Variants in DAB1 observed in about 807,000 individuals in gnomAD.
DAB1 encodes the protein DAB adaptor protein 1.
A neutral mutation model predicts 64.6 loss-of-function variants in DAB1; 15 were observed. That is an observed-to-expected ratio of 0.23 (90% CI 0.16 to 0.36). The LOEUF is 0.36. Ranked by LOEUF, DAB1 falls within the 10% of genes least tolerant of loss-of-function variation. The probability of loss-of-function intolerance (pLI) is 1.00; values close to 1 mark genes in which losing one functional copy is unlikely to be tolerated. For synonymous variants in DAB1, 235 were observed against 251.9 expected (o/e 0.93, Z 0.64); for missense variants, 596 against 706.7 (o/e 0.84, Z 1.78).
At chr1:58,311,781 G>C (rs1662436006) in intron 4 of DAB1, among the ~76,000 whole-genome samples, 1 of 152,068 alleles carries the variant, frequency 6.6e-6, no homozygotes, top group African/African-American at 2.4e-5. Context: ...TGCTACCCCA[G>C]TAAGTCTCTT....
At chr1:58,100,956 TC>T (rs1361388826) in intron 5 of DAB1, among the ~76,000 whole-genome samples, 1 of 152,066 alleles carries the variant, frequency 6.6e-6, no homozygotes, top group Non-Finnish European at 1.5e-5. Context: ...AAATGAGAGA[TC>T]AGAGGAAGGG....
chr1:57,381,816 G>A (rs185705243), intron 1 of DAB1, among the ~76,000 whole-genome samples: 174 of 152,194 alleles, frequency 1.1e-3, no homozygotes, highest in Admixed American at 2.7e-3. Flanking sequence ...CATTGGTTTC[G>A]ACATTTATCT....
At chr1:58,243,580 GA>G (rs1660398161) in intron 4 of DAB1, among the ~76,000 whole-genome samples, 1 of 152,060 alleles carries the variant, frequency 6.6e-6, no homozygotes. Context: ...AACAAGGGAA[GA>G]GCCTAAATGT....
intron 3 of DAB1, among the ~76,000 whole-genome samples, chr1:58,387,086 C>A (rs1285702874): frequency 1.3e-5 from 2 of 152,088 alleles, no homozygotes; most frequent in East Asian, 1.9e-4. Context: ...AACAAAAAAA[C>A]AAACAAACAA....
chr1:57,908,878 G>T (rs547187153), intron 5 of DAB1, among the ~76,000 whole-genome samples: 1 of 152,210 alleles, frequency 6.6e-6, no homozygotes, highest in East Asian at 1.9e-4. Context: ...CCCAATTATA[G>T]GAATTATCAC....
At chr1:57,624,763 T>C (rs901974029) in intron 7 of DAB1, among the ~76,000 whole-genome samples, 8 of 152,230 alleles carry the variant, frequency 5.3e-5, no homozygotes, top group Non-Finnish European at 4.4e-5. Flanking sequence ...GTTAAGCTAA[T>C]GAAGATCTGT....
At chr1:58,231,943 A>G (rs1228002187) in intron 4 of DAB1, among the ~76,000 whole-genome samples, 1 of 152,240 alleles carries the variant, frequency 6.6e-6, no homozygotes, top group Non-Finnish European at 1.5e-5. Context: ...GTAACTTGCT[A>G]CAGGTAAAAA....
At chr1:57,905,939 G>C (rs757821282) in intron 5 of DAB1, among the ~76,000 whole-genome samples, 2 of 152,222 alleles carry the variant, frequency 1.3e-5, no homozygotes, top group Non-Finnish European at 2.9e-5. Flanking sequence ...GCCAAAGCTT[G>C]TAATAGAGTT....
At chr1:58,170,918 G>T (rs1270688918) in intron 4 of DAB1, among the ~76,000 whole-genome samples, 1 of 152,090 alleles carries the variant, frequency 6.6e-6, no homozygotes, top group Non-Finnish European at 1.5e-5. Flanking sequence ...CCAGGAAATT[G>T]ACTTCCTCCT....
chr1:57,022,287 A>C (rs2100371389), intron 11 of DAB1, among the ~76,000 whole-genome samples: 1 of 152,334 alleles, frequency 6.6e-6, no homozygotes, highest in Middle Eastern at 3.4e-3. Flanking sequence ...AGGGTGGTGC[A>C]TTTCTGATGG....
At chr1:57,241,029 C>G (rs1368014412) in intron 2 of DAB1, among the ~76,000 whole-genome samples, 1 of 152,182 alleles carries the variant, frequency 6.6e-6, no homozygotes, top group African/African-American at 2.4e-5. Flanking sequence ...ACTATACACG[C>G]ATCCACCAGC....
At chr1:58,440,724 C>T (rs921652440) in intron 3 of DAB1, among the ~76,000 whole-genome samples, 1 of 152,170 alleles carries the variant, frequency 6.6e-6, no homozygotes, top group Non-Finnish European at 1.5e-5. Context: ...GGCCATTTAG[C>T]CGTAACAACT....
chr1:58,167,985 A>G (rs1257653399), intron 4 of DAB1, among the ~76,000 whole-genome samples: 1 of 152,184 alleles, frequency 6.6e-6, no homozygotes, highest in Non-Finnish European at 1.5e-5. Flanking sequence ...GAAGGAACCA[A>G]TTCTGGACAC....
chr1:57,256,190 G>T (rs1007993547), intron 2 of DAB1, among the ~76,000 whole-genome samples: 1 of 152,080 alleles, frequency 6.6e-6, no homozygotes, highest in Non-Finnish European at 1.5e-5. Context: ...ATTACTTTTT[G>T]TTCCTGAATC....
intron 7 of DAB1, among the ~76,000 whole-genome samples, chr1:57,481,555 G>A (rs1431618212): frequency 8.5e-5 from 13 of 152,094 alleles, no homozygotes; most frequent in African/African-American, 2.9e-4. Context: ...CTTACCTGAT[G>A]CCTGTAATCC....
intron 6 of DAB1, among the ~76,000 whole-genome samples, chr1:57,819,254 G>A (rs192300834): frequency 5.9e-5 from 9 of 152,328 alleles, no homozygotes; most frequent in Admixed American, 1.3e-4. Flanking sequence ...TGCTTTGTTC[G>A]TGTTAATTAT....
At chr1:58,122,367 C>G (rs900017956) in intron 5 of DAB1, among the ~76,000 whole-genome samples, 1 of 152,156 alleles carries the variant, frequency 6.6e-6, no homozygotes, top group African/African-American at 2.4e-5. Flanking sequence ...AGTAGGATGA[C>G]TTTGGGCAAG....
intron 7 of DAB1, among the ~76,000 whole-genome samples, chr1:57,480,091 G>A (rs888866341): frequency 4.7e-5 from 7 of 150,480 alleles, no homozygotes; most frequent in Admixed American, 1.3e-4. Flanking sequence ...GGCGGAGCTT[G>A]CAGTGAGTCG....
chr1:58,197,703 CTT>C (rs3053698), intron 4 of DAB1, among the ~76,000 whole-genome samples: 2 of 139,950 alleles, frequency 1.4e-5, no homozygotes. Flanking sequence ...GAGAGTTACA[CTT>C]TTTTTTTTTT....
Sources: gnomAD v4.1 joint callset for allele counts (sites outside exome capture counted in the v4.1 genomes callset) on GRCh38, gnomAD v4.1.1 for gene constraint, MANE v1.5 for transcripts, NCBI Gene and HGNC (gene_info 2026-07-23, HGNC 2026-07-21) for gene names.